Variants in CTNND2 observed in about 807,000 individuals in gnomAD.
The protein encoded by CTNND2 is catenin delta-2.
Under a neutral mutation model 144.4 loss-of-function variants are expected in CTNND2, and 22 were observed. The ratio of observed to expected loss-of-function variants is 0.15; its 90% CI spans 0.11 to 0.22. CTNND2 has a LOEUF of 0.22. CTNND2 is among the 10% of genes least tolerant of loss of function. The pLI is 1.00. For synonymous variants in CTNND2, 751 were observed against 695.6 expected (o/e 1.08, Z -1.25); for missense variants, 1,353 against 1,618.8 (o/e 0.84, Z 2.82).
intron 12 of CTNND2, among the ~76,000 whole-genome samples, chr5:11,122,428 C>T (rs1049915376): frequency 6.6e-6 from 1 of 152,014 alleles, no homozygotes; most frequent in Non-Finnish European, 1.5e-5. Flanking sequence ...CACAGCCTGG[C>T]TCAAGGCTAG....
chr5:10,996,307 G>C lies in CTNND2; in HGVS notation c.3085-3630C>G, dbSNP rs566911818. Among the ~76,000 whole-genome samples, 3 of 152,286 alleles carry C rather than the reference G, an allele frequency of 2.0e-5. No individual in the cohort carries two copies. In the East Asian group the frequency reaches 5.8e-4, roughly 29 times the overall value. Reference sequence around the variant, plus strand: ...GAGAGTGTATATTGATCAGGGTACTGGTGGGCTTATGAGGGCCACAGGCTG... The same window carrying C: ...GAGAGTGTATATTGATCAGGGTACTCGTGGGCTTATGAGGGCCACAGGCTG... On this transcript the variant is annotated intron_variant, in intron 18 of 21. Transcript: ENST00000304623.
At chr5:11,136,664 T>C (rs1405589694) in intron 12 of CTNND2, among the ~76,000 whole-genome samples, 1 of 152,240 alleles carries the variant, frequency 6.6e-6, no homozygotes. Context: ...ATTTCCAGAA[T>C]TGTTCTCTAA....
chr5:11,250,102 T>C (rs1743404069), intron 9 of CTNND2, among the ~76,000 whole-genome samples: 1 of 152,102 alleles, frequency 6.6e-6, no homozygotes, highest in Admixed American at 6.6e-5. Flanking sequence ...ATTTCCAGAG[T>C]CTGCATTTCT....
At chr5:11,054,713 C>T (rs1746179773) in intron 16 of CTNND2, among the ~76,000 whole-genome samples, 2 of 152,076 alleles carry the variant, frequency 1.3e-5, no homozygotes, top group Admixed American at 1.3e-4. Flanking sequence ...GCTATAGAGT[C>T]AGGGTGATTT....
intron 2 of CTNND2, among the ~76,000 whole-genome samples, chr5:11,710,412 C>G (rs756540707): frequency 6.6e-6 from 1 of 151,756 alleles, no homozygotes; most frequent in African/African-American, 2.4e-5. Flanking sequence ...TGGTGGCGTG[C>G]GCCTGTAGTC....
At chr5:11,188,449 G>T (rs1429923057) in intron 11 of CTNND2, among the ~76,000 whole-genome samples, 3 of 152,094 alleles carry the variant, frequency 2.0e-5, no homozygotes, top group African/African-American at 7.2e-5. Flanking sequence ...CCCACACTGG[G>T]GCCAGTCAGG....
intron 3 of CTNND2, among the ~76,000 whole-genome samples, chr5:11,524,169 C>A (rs577385495): frequency 1.3e-5 from 2 of 152,222 alleles, no homozygotes; most frequent in South Asian, 4.1e-4. Context: ...CTGCACCCCA[C>A]ACTTGCCCCA....
intron 1 of CTNND2, among the ~76,000 whole-genome samples, chr5:11,804,775 C>A (rs1791902223): frequency 6.6e-6 from 1 of 152,176 alleles, no homozygotes; most frequent in South Asian, 2.1e-4. Context: ...CTGCATGACA[C>A]TACTCATTTG....
At chr5:11,645,747 A>G (rs1006591852) in intron 2 of CTNND2, among the ~76,000 whole-genome samples, 8 of 152,118 alleles carry the variant, frequency 5.3e-5, no homozygotes, top group African/African-American at 1.9e-4. Context: ...TGCTTATCTA[A>G]GTTTACATCC....
At chr5:11,139,170 A>C (rs1756448861) in intron 12 of CTNND2, among the ~76,000 whole-genome samples, 1 of 152,146 alleles carries the variant, frequency 6.6e-6, no homozygotes. Flanking sequence ...TATGTTGCCC[A>C]GGCTGGTCTC....
At chr5:11,060,355 C>A (rs1296549497) in intron 16 of CTNND2, among the ~76,000 whole-genome samples, 1 of 152,114 alleles carries the variant, frequency 6.6e-6, no homozygotes, top group African/African-American at 2.4e-5. Context: ...GTACGTGGTC[C>A]TGTGCACAGG....
intron 2 of CTNND2, among the ~76,000 whole-genome samples, chr5:11,648,364 T>C (rs1407030762): frequency 2.6e-5 from 4 of 152,192 alleles, no homozygotes; most frequent in South Asian, 4.2e-4. Context: ...GGAATGGTGA[T>C]GCAGACATTT....
At chr5:11,358,077 C>T (rs1447861500) in intron 8 of CTNND2, among the ~76,000 whole-genome samples, 1 of 152,088 alleles carries the variant, frequency 6.6e-6, no homozygotes, top group East Asian at 1.9e-4. Flanking sequence ...TTCAACATTG[C>T]TACGCTTAAT....
At chr5:11,356,628 T>C (rs1755907698) in intron 8 of CTNND2, among the ~76,000 whole-genome samples, 1 of 151,974 alleles carries the variant, frequency 6.6e-6, no homozygotes, top group African/African-American at 2.4e-5. Context: ...CTTCACAATA[T>C]TGGGCTGGGC....
At chr5:11,401,277 T>C (rs1760629883) in intron 5 of CTNND2, among the ~76,000 whole-genome samples, 2 of 152,236 alleles carry the variant, frequency 1.3e-5, no homozygotes, top group South Asian at 4.1e-4. Context: ...TGTGCACTTG[T>C]TCTGTTTACC....
intron 1 of CTNND2, among the ~76,000 whole-genome samples, chr5:11,776,367 T>A (rs1304163936): frequency 6.6e-6 from 1 of 152,258 alleles, no homozygotes; most frequent in Non-Finnish European, 1.5e-5. Flanking sequence ...CCAACAACAA[T>A]GCATTTAAAA....
At chr5:11,405,376 G>T (rs1232014630) in intron 5 of CTNND2, among the ~76,000 whole-genome samples, 1 of 152,164 alleles carries the variant, frequency 6.6e-6, no homozygotes, top group Non-Finnish European at 1.5e-5. Flanking sequence ...GGTATAACAT[G>T]CTTCTGAAAC....
intron 3 of CTNND2, among the ~76,000 whole-genome samples, chr5:11,509,646 A>C (rs570503584): frequency 2.0e-5 from 3 of 152,332 alleles, no homozygotes; most frequent in African/African-American, 7.2e-5. Flanking sequence ...ATAAAAGGTA[A>C]ATAAGAAATG....
At chr5:11,295,961 A>G (rs920384919) in intron 9 of CTNND2, among the ~76,000 whole-genome samples, 3 of 152,156 alleles carry the variant, frequency 2.0e-5, no homozygotes, top group Admixed American at 2.0e-4. Flanking sequence ...AGCAATGGCA[A>G]CAAAAGCCAA....
Sources: gnomAD v4.1 joint callset for allele counts (sites outside exome capture counted in the v4.1 genomes callset) on GRCh38, gnomAD v4.1.1 for gene constraint, MANE v1.5 for transcripts, NCBI Gene and HGNC (gene_info 2026-07-23, HGNC 2026-07-21) for gene names.